The following SMYD3 variants were observed in gnomAD, a reference collection of about 807,000 sequenced individuals.
The protein encoded by SMYD3 is SET and MYND domain containing 3, also known as histone-lysine N-methyltransferase SMYD3.
A neutral mutation model predicts 57.7 loss-of-function variants in SMYD3; 36 were observed. The observed-to-expected ratio is 0.62, with a 90% confidence interval of 0.48 to 0.82. SMYD3 has a LOEUF of 0.82. Among genes scored for constraint, SMYD3 ranks in the 40% least tolerant of loss-of-function variants. The pLI, the probability that SMYD3 is intolerant of heterozygous loss-of-function variation, is 0.00. For synonymous variants in SMYD3, 211 were observed against 195.0 expected (o/e 1.08, Z -0.68); for missense variants, 515 against 538.8 (o/e 0.96, Z 0.44).
chr1:246,492,810 T>C (rs1037015582), intron 1 of SMYD3, among the ~76,000 whole-genome samples: 1 of 152,198 alleles, frequency 6.6e-6, no homozygotes, highest in Non-Finnish European at 1.5e-5. Context: ...TTCCTAGTGT[T>C]CCCACACTGC....
intron 7 of SMYD3, among the ~76,000 whole-genome samples, chr1:245,917,305 C>T (rs72768754): frequency 0.011 from 1,679 of 152,304 alleles, 23 homozygotes; most frequent in Non-Finnish European, 0.017. Context: ...GAATTACAGG[C>T]GTAAGCCACT....
intron 5 of SMYD3, among the ~76,000 whole-genome samples, chr1:246,154,096 T>A (rs1221528081): frequency 6.6e-6 from 1 of 152,194 alleles, no homozygotes; most frequent in Admixed American, 6.5e-5. Flanking sequence ...CTAAAGGCAA[T>A]CCATCAATCA....
chr1:245,895,042 T>C (rs1280547380), intron 8 of SMYD3, among the ~76,000 whole-genome samples: 1 of 152,170 alleles, frequency 6.6e-6, no homozygotes, highest in South Asian at 2.1e-4. Flanking sequence ...GCAAACACAA[T>C]AGCTACATTG....
At chr1:245,903,943 TC>T (rs573139184) in intron 8 of SMYD3, among the ~76,000 whole-genome samples, 38 of 152,288 alleles carry the variant, frequency 2.5e-4, no homozygotes, top group African/African-American at 8.9e-4. Context: ...AGAGACATTT[TC>T]CCCGCTGTCT....
intron 5 of SMYD3, among the ~76,000 whole-genome samples, chr1:246,264,494 T>C (rs1026202484): frequency 4.6e-5 from 7 of 152,340 alleles, no homozygotes; most frequent in African/African-American, 1.7e-4. Flanking sequence ...TTAGAACTGA[T>C]GAAAGACGGT....
At chr1:246,169,952 T>G (rs1375409567) in intron 5 of SMYD3, among the ~76,000 whole-genome samples, 1 of 151,838 alleles carries the variant, frequency 6.6e-6, no homozygotes, top group Non-Finnish European at 1.5e-5. Flanking sequence ...AATGTACCTA[T>G]AAACTCATTT....
chr1:246,243,382 T>A, intron 5 of SMYD3, among the ~76,000 whole-genome samples: 1 of 115,160 alleles, frequency 8.7e-6, no homozygotes, highest in African/African-American at 3.1e-5. Flanking sequence ...TTGACTTTTT[T>A]AAATCATGTG....
chr1:245,891,145 TCTA>T lies in SMYD3; in HGVS notation c.813+24382_813+24384del, dbSNP rs1245661525. 7.2e-5 allele frequency among the ~76,000 whole-genome samples: 11 copies of T among 152,240 alleles called. No homozygotes were observed. The East Asian group carries it at 2.1e-3, about 29-fold the overall frequency. ...ATATAATCAGATAGAATGAATAACATCTACTATTTGATACAACAGGGTGACCAG... is the reference window on the plus strand; with the variant it reads ...ATATAATCAGATAGAATGAATAACATCTATTTGATACAACAGGGTGACCAG... On this transcript the variant is annotated intron_variant, in intron 8 of 11. Coordinates refer to ENST00000490107, the MANE Select transcript of SMYD3 (RefSeq NM_001167740.2).
At chr1:246,200,378 A>G (rs2148359653) in intron 5 of SMYD3, among the ~76,000 whole-genome samples, 1 of 150,148 alleles carries the variant, frequency 6.7e-6, no homozygotes, top group East Asian at 2.0e-4. Flanking sequence ...GATACAGAGG[A>G]TGGAGAACAG....
chr1:246,024,161 T>A (rs1472545220), intron 5 of SMYD3, among the ~76,000 whole-genome samples: 2 of 152,192 alleles, frequency 1.3e-5, no homozygotes, highest in African/African-American at 2.4e-5. Context: ...TTCTGCAATA[T>A]AATATGGAAG....
At chr1:246,384,630 C>A (rs1486252978) in intron 1 of SMYD3, among the ~76,000 whole-genome samples, 4 of 152,170 alleles carry the variant, frequency 2.6e-5, no homozygotes, top group African/African-American at 9.7e-5. Flanking sequence ...CTCCTCACCT[C>A]AAGTGATCTG....
At chr1:246,007,750 G>A (rs1315489145) in intron 5 of SMYD3, among the ~76,000 whole-genome samples, 2 of 151,744 alleles carry the variant, frequency 1.3e-5, no homozygotes, top group African/African-American at 2.4e-5. Context: ...CTGGGAGGTT[G>A]AGGCTGCAGT....
intron 5 of SMYD3, among the ~76,000 whole-genome samples, chr1:246,002,538 TCGATCTCCTGACCTC>T (rs2059089987): frequency 1.8e-5 from 2 of 111,032 alleles, no homozygotes; most frequent in Admixed American, 9.8e-5. Flanking sequence ...CAGGATGGTC[TCGATCTCCTGACCTC>T]GTGATCCGAC....
chr1:245,891,572 T>C (rs1452850644), intron 8 of SMYD3, among the ~76,000 whole-genome samples: 1 of 152,170 alleles, frequency 6.6e-6, no homozygotes, highest in Non-Finnish European at 1.5e-5. Flanking sequence ...TTCCTTCTGC[T>C]ATGTACACCC....
intron 5 of SMYD3, among the ~76,000 whole-genome samples, chr1:246,253,769 G>A (rs373362548): frequency 2.6e-5 from 4 of 152,114 alleles, no homozygotes; most frequent in African/African-American, 9.7e-5. Flanking sequence ...AACGTTATTG[G>A]TGCATAGAAA....
intron 5 of SMYD3, among the ~76,000 whole-genome samples, chr1:245,984,128 T>C (rs1216511335): frequency 6.6e-6 from 1 of 151,724 alleles, no homozygotes; most frequent in Non-Finnish European, 1.5e-5. Context: ...GCCACCCAAG[T>C]AGCTGGGATT....
chr1:246,194,927 C>G (rs185694940), intron 5 of SMYD3, among the ~76,000 whole-genome samples: 1 of 152,314 alleles, frequency 6.6e-6, no homozygotes, highest in African/African-American at 2.4e-5. Flanking sequence ...CACACTAAAG[C>G]TGTAACTACA....
chr1:246,226,716 T>C (rs1307350620), intron 5 of SMYD3, among the ~76,000 whole-genome samples: 1 of 152,234 alleles, frequency 6.6e-6, no homozygotes, highest in Non-Finnish European at 1.5e-5. Flanking sequence ...TTTTGATTTT[T>C]AAATTTACAT....
At chr1:245,996,995 T>C (rs566038029) in intron 5 of SMYD3, among the ~76,000 whole-genome samples, 1 of 152,248 alleles carries the variant, frequency 6.6e-6, no homozygotes, top group Non-Finnish European at 1.5e-5. Context: ...ACGTCGCTGG[T>C]GCGGAACACC....
Sources: gnomAD v4.1 joint callset for allele counts (sites outside exome capture counted in the v4.1 genomes callset) on GRCh38, gnomAD v4.1.1 for gene constraint, MANE v1.5 for transcripts, NCBI Gene and HGNC (gene_info 2026-07-23, HGNC 2026-07-21) for gene names.